Variants in GFUS observed in about 807,000 individuals in gnomAD.
GFUS encodes the protein 3-5 epimerase/4-reductase.
In GFUS, 42 loss-of-function variants were observed where a neutral mutation model predicts 41.5. The observed-to-expected ratio is 1.01, with a 90% CI of 0.79 to 1.31. GFUS has a LOEUF of 1.31. Ranked by LOEUF, GFUS falls within the 50% of genes most tolerant of loss-of-function variation. The probability of loss-of-function intolerance (pLI) is 0.00; values close to 1 mark genes in which losing one functional copy is unlikely to be tolerated. For missense variants in GFUS, 437 were observed against 428.7 expected, an observed-to-expected ratio of 1.02 and a Z score of -0.17; for synonymous variants, 188 against 173.4, an observed-to-expected ratio of 1.08 and a Z score of -0.66.
intron 5 of GFUS, 21 bp from the exon 6 acceptor site, chr8:143,614,474 C>T (rs1034716274): frequency 1.1e-5 from 18 of 1,600,178 alleles, no homozygotes; most frequent in Non-Finnish European, 1.5e-5. Flanking sequence ...ACAGCGTCTC[C>T]TGCCCTCGTC....
Position 143,612,877 on chromosome 8 carries a change from T to C in GFUS, c.*33A>G. ...GTGGCCGCTGGGCTCTGCCAGCCGA[T>C]GGTCCGCTGGCACCTGATCCTGTCT... On this transcript the variant is annotated 3_prime_UTR_variant, in exon 11 of 11. Coordinates refer to ENST00000425753, the MANE Select transcript of GFUS (RefSeq NM_003313.4). 2 of 1,591,170 alleles carry C rather than the reference T, an allele frequency of 1.3e-6. No homozygotes were observed. Among genetic ancestry groups the C allele is most frequent in the South Asian group, 2.3e-5 (2 of 87,966 alleles).
rs759483777 is a variant in GFUS at position 143,613,549 on chromosome 8, G to T, written c.785C>A (p.Ala262Asp). ...IKEAAEAVVE[A>D]MDFHGEVTFD... ...GGTGACTTCCCCATGGAAGTCCATG[G>T]CCTCCACCACCGCCTCGGCTGCCTC... The change falls in exon 9 of 11, where the codon GCC becomes GAC. Residue 262 changes from alanine (A) to aspartate (D), a missense_variant. Physicochemically the swap from Ala to Asp is moderately radical, Grantham distance 126. Transcript: ENST00000425753. The T allele has an allele frequency of 6.2e-7, 1 of 1,611,054 alleles. No individual in the cohort carries two copies. The highest frequency in any genetic ancestry group is 8.5e-7 in the Non-Finnish European group (1 of 1,179,896).
intron 1 of GFUS, chr8:143,617,006 C>T (rs2131418769): frequency 6.5e-6 from 3 of 458,818 alleles, no homozygotes; most frequent in South Asian, 3.0e-5. Context: ...ATTCTACTCC[C>T]CTCTGACTGA....
chr8:143,614,616 G>A lies in GFUS; in HGVS notation c.464+8C>T, dbSNP rs376227144. ...CTGGCTGGGCCTCAGCAGGATGGGC[G>A]CGAGGACCTGTTCTGCACGTCGATC... On this transcript the variant is annotated splice_region_variant and intron_variant, in intron 5 of 10. Transcript: ENST00000425753. 2.4e-4 allele frequency: 380 copies of A among 1,580,174 alleles called. No homozygotes were observed. Among genetic ancestry groups the A allele is most frequent in the Non-Finnish European group, 3.0e-4 (343 of 1,157,826 alleles).
chr8:143,612,786 G>C lies in GFUS; in HGVS notation c.*124C>G. 8.3e-7 allele frequency: 1 copy of C among 1,203,600 alleles called. No individual in the cohort carries two copies. The highest frequency in any genetic ancestry group is 1.2e-6 in the Non-Finnish European group (1 of 855,296). 74.6% of individuals were successfully genotyped at this position (1,203,600 alleles called of 1,614,324 possible). On this transcript the variant is annotated 3_prime_UTR_variant, in exon 11 of 11. Transcript: ENST00000425753. ...CACTGGAAAGATGCTTGGGGCTGCA[G>C]AGCGGATGGAATGCAGGCCCAGGTT... is the stretch of plus-strand genomic sequence containing the variant.
At chr8:143,615,918 G>A in intron 3 of GFUS, 188 bp downstream of exon 3, 2 of 546,934 alleles carry the variant, frequency 3.7e-6, no homozygotes, top group South Asian at 5.3e-5. Flanking sequence ...ATGGCCCTCT[G>A]TCCACAGCAC....
At chr8:143,613,415 G>A (rs1829628633) in intron 9 of GFUS, 109 bp downstream of exon 9, 2 of 1,491,954 alleles carry the variant, frequency 1.3e-6, no homozygotes, top group Non-Finnish European at 1.8e-6. Flanking sequence ...CTGCCAGGGT[G>A]AGCATCCTCC....
At chr8:143,615,247 TG>T (rs1829695772) in intron 3 of GFUS, among the ~76,000 whole-genome samples, 1 of 152,098 alleles carries the variant, frequency 6.6e-6, no homozygotes, top group Non-Finnish European at 1.5e-5. Flanking sequence ...GGCCCTGGGC[TG>T]GGCTGGGGCT....
At chr8:143,613,022 G>T in intron 10 of GFUS, 57 bp from the exon 11 acceptor site, 1 of 1,590,636 alleles carries the variant, frequency 6.3e-7, no homozygotes, top group Non-Finnish European at 8.5e-7. Context: ...CGCATGGGAG[G>T]AAGTGGGGGG....
Position 143,615,890 on chromosome 8 carries a change from TG to T in GFUS, c.261+215del, listed in dbSNP as rs557902646. The T allele has an allele frequency of 1.4e-3, 675 of 475,058 alleles. 2 individuals are homozygous for T. The highest frequency in any genetic ancestry group is 0.012 in the African/African-American group (598 of 50,224). The allele number at this position is 475,058 out of a possible 1,614,324, so 29.4% of individuals were successfully genotyped here. ...CCACAGCTTTGCCTACTGGGCCAAG[TG>T]CCTCCAGGCCCCCTGCATGGCCCTC... On this transcript the variant is annotated intron_variant, in intron 3 of 10. Coordinates refer to ENST00000425753, the MANE Select transcript of GFUS (RefSeq NM_003313.4).
chr8:143,616,794 A>G, intron 1 of GFUS, 71 bp from the exon 2 acceptor site: 1 of 1,585,162 alleles, frequency 6.3e-7, no homozygotes, highest in East Asian at 2.2e-5. Context: ...CTTCTGTGGC[A>G]ACTGGCACAG....
At position 143,613,362 on chromosome 8, in the gene GFUS, A is replaced by C. The variant is rs775307755; in HGVS notation, c.811-67T>G. The C allele has an allele frequency of 1.8e-4, 273 of 1,539,446 alleles. 2 individuals carry two copies. The highest frequency in any genetic ancestry group is 1.7e-3 in the South Asian group (149 of 89,404). On this transcript the variant is annotated intron_variant, in intron 9 of 10. Transcript: ENST00000425753. ...CCCCAGCCCCCGCAGCTTGCCCTTGAACCTCTGCCATTCCCAGGGGAGCCA... is the reference window on the plus strand; with the variant it reads ...CCCCAGCCCCCGCAGCTTGCCCTTGCACCTCTGCCATTCCCAGGGGAGCCA...
rs1270440328 is a variant in GFUS at position 143,614,376 on chromosome 8, T to C, written c.542A>G (p.Asn181Ser). ...TNVFGPHDNF[N>S]IEDGHVLPGL... ...AGGCAGCACGTGGCCATCCTCGATGTTGAAGTTGTCGTGGGGCCCGAAGAC... is the reference window on the plus strand; with the variant it reads ...AGGCAGCACGTGGCCATCCTCGATGCTGAAGTTGTCGTGGGGCCCGAAGAC... The change falls in exon 6 of 11, where the codon AAC becomes AGC. Residue 181 changes from asparagine to serine, a missense_variant. Physicochemically the swap from Asn to Ser is conservative, Grantham distance 46. Transcript: ENST00000425753. 4.3e-6 allele frequency: 7 copies of C among 1,613,940 alleles called. No homozygotes were observed. Among genetic ancestry groups the C allele is most frequent in the Admixed American group, 1.7e-5 (1 of 60,014 alleles).
At chr8:143,613,446 G>A (rs997217109) in intron 9 of GFUS, 78 bp downstream of exon 9, 171 of 1,532,254 alleles carry the variant, frequency 1.1e-4, no homozygotes, top group Non-Finnish European at 1.4e-4. Context: ...TCCCACCCAC[G>A]CTGGCCCTAC....
intron 1 of GFUS, 125 bp downstream of exon 1, chr8:143,617,349 A>T (rs1829752876): frequency 6.5e-6 from 1 of 154,370 alleles, no homozygotes. Flanking sequence ...ACCTCACCGC[A>T]GCCAGACCCT....
intron 1 of GFUS, 116 bp from the exon 2 acceptor site, chr8:143,616,839 C>A: frequency 9.2e-6 from 12 of 1,298,384 alleles, no homozygotes; most frequent in Non-Finnish European, 1.1e-5. Flanking sequence ...AGTCCACTGG[C>A]AACCAGAAAG....
At position 143,614,702 on chromosome 8, in the gene GFUS, G is replaced by T. The variant is rs369857562; in HGVS notation, c.391-5C>A. On this transcript the variant is annotated splice_region_variant and splice_polypyrimidine_tract_variant and intron_variant, in intron 4 of 10. Coordinates refer to ENST00000425753, the MANE Select transcript of GFUS (RefSeq NM_003313.4). ...GTGGGGAGGCCCATTGTGGATCTGC[G>T]GGCGTGGGAGAGGCAGAGGCCGCTA... 1 of 1,612,896 alleles carries T rather than the reference G, an allele frequency of 6.2e-7. No individual in the cohort carries two copies. The highest frequency in any genetic ancestry group is 8.5e-7 in the Non-Finnish European group (1 of 1,179,474).
At chr8:143,616,026 T>A (rs1829715361) in intron 3 of GFUS, 80 bp downstream of exon 3, 1 of 1,234,232 alleles carries the variant, frequency 8.1e-7, no homozygotes, top group Non-Finnish European at 1.1e-6. Flanking sequence ...TGTGGGCCTG[T>A]GAGAGTGGGA....
intron 3 of GFUS, chr8:143,615,827 G>T (rs58908419): frequency 0.017 from 6,709 of 397,982 alleles, 376 homozygotes; most frequent in African/African-American, 0.13. Flanking sequence ...CCACGTGGCC[G>T]CTGGCTCTTT....
Sources: allele counts gnomAD v4.1 joint callset (sites outside exome capture counted in the v4.1 genomes callset), GRCh38; gene constraint gnomAD v4.1.1; transcripts MANE v1.5; gene names NCBI Gene and HGNC (gene_info 2026-07-23, HGNC 2026-07-21).